The following ZFYVE9 variants were observed in gnomAD, a reference collection of about 807,000 sequenced individuals.
ZFYVE9 encodes the protein zinc finger FYVE-type containing 9, also known as zinc finger FYVE domain-containing protein 9.
Under a neutral mutation model 126.7 loss-of-function variants are expected in ZFYVE9, and 43 were observed. The ratio of observed to expected loss-of-function variants is 0.34; its 90% CI spans 0.27 to 0.44. The LOEUF is 0.44. Among genes scored for constraint, ZFYVE9 ranks in the 20% least tolerant of loss-of-function variants. The pLI, the probability that ZFYVE9 is intolerant of heterozygous loss-of-function variation, is 1.00. For missense variants in ZFYVE9, 1,476 were observed against 1,697.0 expected, an observed-to-expected ratio of 0.87 and a Z score of 2.29; for synonymous variants, 521 against 597.4, an observed-to-expected ratio of 0.87 and a Z score of 1.87.
In ZFYVE9 at chr1:52,346,289, C is replaced by T; in HGVS notation, c.*68C>T. ...AGCAGTCATACCCAAATCATTTGCA[C>T]TTTAAAACTGGAAGATTAAGCTTTT... On this transcript the variant is annotated 3_prime_UTR_variant, in exon 19 of 19. Transcript: ENST00000287727. 5 of 1,256,686 alleles carry T rather than the reference C, an allele frequency of 4.0e-6. No individual in the cohort carries two copies. The highest frequency in any genetic ancestry group is 1.8e-5 in the South Asian group (1 of 55,140). 77.8% of individuals were successfully genotyped at this position (1,256,686 alleles called of 1,614,324 possible). A position where few individuals can be genotyped will look rare whatever the true frequency, so the allele number is the denominator to read the frequency against.
chr1:52,317,867 A>C (rs1014384633), intron 13 of ZFYVE9, among the ~76,000 whole-genome samples: 3 of 152,208 alleles, frequency 2.0e-5, no homozygotes, highest in Non-Finnish European at 4.4e-5. Context: ...CTCAAGATTA[A>C]ATAGATAACC....
intron 14 of ZFYVE9, among the ~76,000 whole-genome samples, chr1:52,333,534 A>AT (rs1646362529): frequency 6.6e-6 from 1 of 152,188 alleles, no homozygotes; most frequent in African/African-American, 2.4e-5. Context: ...TCTCTGTGTG[A>AT]TTCAAGTGCA....
rs77295483 is a variant in ZFYVE9 at position 52,292,854 on chromosome 1, G to C, written c.3026-599G>C. Among the ~76,000 whole-genome samples, 5 of 152,050 alleles carry C rather than the reference G, an allele frequency of 3.3e-5. No individual in the cohort carries two copies. In the East Asian group the frequency reaches 9.7e-4, roughly 29 times the overall value. ...CAGTAAAGCTGTACAGTTTAACCAAGGAAGGCATCAATATTTTTGGCTTTT... is the reference window on the plus strand; with the variant it reads ...CAGTAAAGCTGTACAGTTTAACCAACGAAGGCATCAATATTTTTGGCTTTT... On this transcript the variant is annotated intron_variant, in intron 10 of 18. Transcript: ENST00000287727.
chr1:52,203,426 A>G (rs1004423742), intron 1 of ZFYVE9, among the ~76,000 whole-genome samples: 1 of 130,106 alleles, frequency 7.7e-6, no homozygotes, highest in Non-Finnish European at 1.6e-5. Flanking sequence ...CAAATGATCC[A>G]CCTGCCTCGG....
At chr1:52,304,337 A>G (rs904609325) in intron 13 of ZFYVE9, among the ~76,000 whole-genome samples, 1 of 151,934 alleles carries the variant, frequency 6.6e-6, no homozygotes, top group Non-Finnish European at 1.5e-5. Context: ...ATCTCAGCTC[A>G]CTGCAACCTC....
intron 13 of ZFYVE9, among the ~76,000 whole-genome samples, chr1:52,316,136 G>C (rs1394905887): frequency 6.7e-5 from 8 of 118,700 alleles, no homozygotes; most frequent in African/African-American, 2.5e-4. Flanking sequence ...TTGCACTTCA[G>C]CCTGGGCAAC....
At chr1:52,309,164 G>A (rs995575717) in intron 13 of ZFYVE9, among the ~76,000 whole-genome samples, 1 of 152,138 alleles carries the variant, frequency 6.6e-6, no homozygotes, top group Non-Finnish European at 1.5e-5. Context: ...AATGGATAAT[G>A]AATGATAACT....
intron 1 of ZFYVE9, among the ~76,000 whole-genome samples, chr1:52,147,621 C>T (rs1256331293): frequency 6.6e-6 from 1 of 152,156 alleles, no homozygotes; most frequent in Non-Finnish European, 1.5e-5. Flanking sequence ...TTTTATTCAT[C>T]AGTTAGGGCT....
intron 4 of ZFYVE9, among the ~76,000 whole-genome samples, chr1:52,242,450 G>A (rs1172050057): frequency 6.6e-6 from 1 of 152,104 alleles, no homozygotes; most frequent in Non-Finnish European, 1.5e-5. Flanking sequence ...GATTGCTGCT[G>A]TATCCTCAGC....
intron 5 of ZFYVE9, 26 bp from the exon 6 acceptor site, chr1:52,266,629 A>T (rs1263175936): frequency 6.4e-7 from 1 of 1,551,138 alleles, no homozygotes. Flanking sequence ...ATCCATTCAC[A>T]TTGATTGTGT....
chr1:52,231,821 T>G (rs967601875), intron 2 of ZFYVE9, among the ~76,000 whole-genome samples: 1 of 151,986 alleles, frequency 6.6e-6, no homozygotes, highest in African/African-American at 2.4e-5. Context: ...GAGACGAGGT[T>G]TCACCACGTT....
chr1:52,330,771 C>T (rs546787362), intron 13 of ZFYVE9, among the ~76,000 whole-genome samples: 2 of 152,292 alleles, frequency 1.3e-5, no homozygotes, highest in South Asian at 2.1e-4. Flanking sequence ...TAAGAATGCC[C>T]AACCTCCTGG....
At chr1:52,233,489 A>G (rs1182962062) in intron 3 of ZFYVE9, among the ~76,000 whole-genome samples, 1 of 152,192 alleles carries the variant, frequency 6.6e-6, no homozygotes, top group Non-Finnish European at 1.5e-5. Context: ...TATAGATGAG[A>G]ATAGAGGCAC....
At position 52,247,447 on chromosome 1, in the gene ZFYVE9, C is replaced by T. The variant is rs536784885; in HGVS notation, c.2178+7852C>T. On this transcript the variant is annotated intron_variant, in intron 4 of 18. Transcript: ENST00000287727. ...GGTTTGAGGGTATATGGTTCAGTGGCGTTACATGCATTCACATTGTTGTTG... is the reference window on the plus strand; with the variant it reads ...GGTTTGAGGGTATATGGTTCAGTGGTGTTACATGCATTCACATTGTTGTTG... Among the ~76,000 whole-genome samples the T allele has an allele frequency of 3.9e-5, 6 of 152,186 alleles. No homozygotes were observed. The South Asian group carries it at 1.0e-3, about 26-fold the overall frequency.
Position 52,233,279 on chromosome 1 carries a change from G to T in ZFYVE9, c.70+3G>T. ...AGATGAATTTGAACAAAACGAAGGT[G>T]AGAATTTATATTGGTGAATCTGTTT... On this transcript the variant is annotated splice_donor_region_variant and intron_variant, in intron 3 of 18. Transcript: ENST00000287727. 1 of 1,575,672 alleles carries T rather than the reference G, an allele frequency of 6.3e-7. No individual in the cohort carries two copies. Among genetic ancestry groups the T allele is most frequent in the South Asian group, 1.2e-5 (1 of 83,590 alleles).
intron 15 of ZFYVE9, 196 bp downstream of exon 15, chr1:52,334,964 C>A: frequency 2.2e-6 from 1 of 450,718 alleles, no homozygotes; most frequent in South Asian, 3.0e-5. Context: ...GTGACAATGA[C>A]ATTAAAACTA....
At chr1:52,172,627 C>A (rs772249277) in intron 1 of ZFYVE9, among the ~76,000 whole-genome samples, 1 of 152,214 alleles carries the variant, frequency 6.6e-6, no homozygotes, top group East Asian at 1.9e-4. Flanking sequence ...TTGTTCCTAC[C>A]CATGAGCATG....
At chr1:52,241,183 G>A (rs969518505) in intron 4 of ZFYVE9, among the ~76,000 whole-genome samples, 34 of 152,112 alleles carry the variant, frequency 2.2e-4, no homozygotes, top group African/African-American at 8.0e-4. Flanking sequence ...TACCTTAAAT[G>A]TATACAATAA....
chr1:52,155,659 G>A lies in ZFYVE9; in HGVS notation c.-143+13256G>A, dbSNP rs557086053. On this transcript the variant is annotated intron_variant, in intron 1 of 18. Coordinates refer to ENST00000287727, the MANE Select transcript of ZFYVE9 (RefSeq NM_004799.4). The stretch of plus-strand genomic sequence containing the variant: ...CACCATTGGTACCTCCAACAGCATA[G>A]GGATTGCTTGCACTACAGCCTGGAC... Among the ~76,000 whole-genome samples the A allele has an allele frequency of 1.1e-3, 170 of 152,318 alleles. 1 individual carries two copies. Among genetic ancestry groups the A allele is most frequent in the African/African-American group, 3.8e-3 (156 of 41,562 alleles).
Sources: allele counts gnomAD v4.1 joint callset (sites outside exome capture counted in the v4.1 genomes callset), GRCh38; gene constraint gnomAD v4.1.1; transcripts MANE v1.5; gene names NCBI Gene and HGNC (gene_info 2026-07-23, HGNC 2026-07-21).